The following CACNA1H variants were observed in gnomAD, a reference collection of about 807,000 sequenced individuals.
CACNA1H encodes calcium voltage-gated channel subunit alpha1 H, also known as voltage-dependent T-type calcium channel subunit alpha-1H.
Under a neutral mutation model 192.5 loss-of-function variants are expected in CACNA1H, and 149 were observed. The ratio of observed to expected loss-of-function variants is 0.77; its 90% confidence interval spans 0.68 to 0.89. The LOEUF is 0.89. Among genes scored for constraint, CACNA1H ranks in the 40% least tolerant of loss-of-function variants. The pLI, the probability that CACNA1H is intolerant of heterozygous loss-of-function variation, is 0.00. For synonymous variants in CACNA1H, 2,202 were observed against 1,475.2 expected (o/e 1.49, Z -11.29); for missense variants, 4,257 against 3,423.5 (o/e 1.24, Z -6.08).
intron 5 of CACNA1H, among the ~76,000 whole-genome samples, chr16:1,196,839 C>T (rs1276054937): frequency 6.6e-6 from 1 of 152,188 alleles, no homozygotes; most frequent in Non-Finnish European, 1.5e-5. Flanking sequence ...GTTCTTTAAG[C>T]ACTCAGGGCT....
Position 1,180,685 on chromosome 16 carries a change from A to G in CACNA1H, c.300-14287A>G, listed in dbSNP as rs1965377714. On this transcript the variant is annotated intron_variant, in intron 2 of 34. Coordinates refer to ENST00000348261, the MANE Select transcript of CACNA1H (RefSeq NM_021098.3). The surrounding 1 kb of genome is among the most constrained non-coding windows in gnomAD (Gnocchi z 4.4). ...GGGAGGGGCCTGGGCAGGGCGGGGC[A>G]GGGAGGGATGAGGTGCAGACTGGGG... Among the ~76,000 whole-genome samples the G allele has an allele frequency of 6.9e-6, 1 of 144,464 alleles. No individual in the cohort carries two copies. The highest frequency in any genetic ancestry group is 1.5e-5 in the Non-Finnish European group (1 of 65,710). 94.8% of individuals were successfully genotyped at this position (144,464 alleles called of 152,430 possible).
intron 16 of CACNA1H, among the ~76,000 whole-genome samples, chr16:1,208,809 G>C (rs368729153): frequency 5.9e-5 from 9 of 152,280 alleles, no homozygotes; most frequent in African/African-American, 2.2e-4. Context: ...TGACCCAGCA[G>C]AGCCCAGGGC....
Position 1,175,618 on chromosome 16 carries a change from A to G in CACNA1H, c.300-19354A>G, listed in dbSNP as rs189643013. The stretch of plus-strand genomic sequence containing the variant: ...CCACTGCTGACAGCTGGCCCCGTCC[A>G]TTTACTCTCATGTCCGAGAATCTGA... On this transcript the variant is annotated intron_variant, in intron 2 of 34. Transcript: ENST00000348261. Among the ~76,000 whole-genome samples the G allele has an allele frequency of 2.3e-3, 347 of 152,252 alleles. 2 individuals are homozygous for G. The highest frequency in any genetic ancestry group is 4.2e-3 in the Non-Finnish European group (286 of 68,020).
At chr16:1,168,109 A>G (rs1963980819) in intron 2 of CACNA1H, among the ~76,000 whole-genome samples, 1 of 152,106 alleles carries the variant, frequency 6.6e-6, no homozygotes, top group African/African-American at 2.4e-5. Context: ...GAGGTGGACC[A>G]GAATTCCCCT....
Position 1,180,204 on chromosome 16 carries a change from G to A in CACNA1H, c.300-14768G>A, listed in dbSNP as rs1965328450. On this transcript the variant is annotated intron_variant, in intron 2 of 34. Coordinates refer to ENST00000348261, the MANE Select transcript of CACNA1H (RefSeq NM_021098.3). The surrounding 1 kb of genome is among the most constrained non-coding windows in gnomAD (Gnocchi z 4.4). ...CAGCCGGCTCCTGGGTGCACAGGCA[G>A]GTGGTGTGCGTCCGCATTGCAGAAC... Among the ~76,000 whole-genome samples, 5 of 152,272 alleles carry A rather than the reference G, an allele frequency of 3.3e-5. No individual in the cohort carries two copies. In the South Asian group the frequency reaches 1.0e-3, roughly 31 times the overall value.
intron 2 of CACNA1H, among the ~76,000 whole-genome samples, chr16:1,166,606 C>T (rs1475288419): frequency 6.6e-6 from 1 of 152,166 alleles, no homozygotes; most frequent in Non-Finnish European, 1.5e-5. Context: ...GGAAACCCTG[C>T]AGTCAGCTGT....
chr16:1,210,226 T>C lies in CACNA1H; in HGVS notation c.3845+91T>C, dbSNP rs1969264377. On this transcript the variant is annotated intron_variant, in intron 18 of 34. Transcript: ENST00000348261. ...CCTCCTGGGTGGGGCTAGCACATGG[T>C]GGATATTTCCGAGTGGGCACCCCTT... 1.2e-5 allele frequency: 16 copies of C among 1,287,224 alleles called. No homozygotes were observed. In the South Asian group the frequency reaches 2.0e-4, roughly 16 times the overall value. The allele number at this position is 1,287,224 out of a possible 1,614,324, so 79.7% of individuals were successfully genotyped here.
intron 6 of CACNA1H, among the ~76,000 whole-genome samples, chr16:1,199,930 C>T (rs1567506283): frequency 6.6e-6 from 1 of 152,034 alleles, no homozygotes; most frequent in Non-Finnish European, 1.5e-5. Flanking sequence ...CCCTGTTTGT[C>T]TGTGCTGTTC....
At position 1,221,161 on chromosome 16, in the gene CACNA1H, G is replaced by A; in HGVS notation, c.*167G>A. 2 of 568,752 alleles carry A rather than the reference G, an allele frequency of 3.5e-6. No homozygotes were observed. Among genetic ancestry groups the A allele is most frequent in the Non-Finnish European group, 3.0e-6 (1 of 332,138 alleles). The allele number at this position is 568,752 out of a possible 1,614,324, so 35.2% of individuals were successfully genotyped here. A position where few individuals can be genotyped will look rare whatever the true frequency, so the allele number is the denominator to read the frequency against. ...CCTGGTTCTCTGCCCAGCGAAGCAGGAGTAGCTGCCGGGCCCCACGAGCCT... is the reference window on the plus strand; with the variant it reads ...CCTGGTTCTCTGCCCAGCGAAGCAGAAGTAGCTGCCGGGCCCCACGAGCCT... On this transcript the variant is annotated 3_prime_UTR_variant, in exon 35 of 35. Coordinates refer to ENST00000348261, the MANE Select transcript of CACNA1H (RefSeq NM_021098.3).
Position 1,207,535 on chromosome 16 carries a change from A to G in CACNA1H, c.3063+105A>G, listed in dbSNP as rs1968886060. On this transcript the variant is annotated intron_variant, in intron 14 of 34. Coordinates refer to ENST00000348261, the MANE Select transcript of CACNA1H (RefSeq NM_021098.3). ...GGGGGCCTGCCAAGAGGTGAGGGAT[A>G]GAGAAGGGAAGCTGGCTGCCATGAG... 3.2e-6 allele frequency: 4 copies of G among 1,265,182 alleles called. No homozygotes were observed. In the African/African-American group the frequency reaches 4.4e-5, roughly 14 times the overall value. The allele number at this position is 1,265,182 out of a possible 1,614,324, so 78.4% of individuals were successfully genotyped here. A position where few individuals can be genotyped will look rare whatever the true frequency, so the allele number is the denominator to read the frequency against.
At chr16:1,196,697 CTG>C (rs1967019875) in intron 5 of CACNA1H, among the ~76,000 whole-genome samples, 1 of 152,154 alleles carries the variant, frequency 6.6e-6, no homozygotes, top group Non-Finnish European at 1.5e-5. Flanking sequence ...AGAGGAGCTG[CTG>C]TGTGTCTGCT....
At chr16:1,212,720 C>T (rs1300057205) in intron 26 of CACNA1H, among the ~76,000 whole-genome samples, 192 bp downstream of exon 26, 1 of 152,210 alleles carries the variant, frequency 6.6e-6, no homozygotes, top group Admixed American at 6.5e-5. Context: ...ACGCGTGCGG[C>T]TCTGCCCGGC....
At chr16:1,177,269 T>TC (rs1964981805) in intron 2 of CACNA1H, among the ~76,000 whole-genome samples, 1 of 152,082 alleles carries the variant, frequency 6.6e-6, no homozygotes, top group South Asian at 2.1e-4. Context: ...GCCGATCCCC[T>TC]CCAGGGCCGG....
chr16:1,153,972 G>C lies in CACNA1H; in HGVS notation c.235G>C (p.Val79Leu), dbSNP rs1567419286. ...CCCGTACCCGGCCTTGGCGGCCACG[G>C]TCTTCTTCTGCCTCGGTCAGACCAC... ...RVPYPALAAT[V>L]FFCLGQTTRP... is the part of the protein sequence containing the mutation. The change falls in exon 2 of 35, where the codon GTC (valine) becomes CTC (leucine). Residue 79 changes from valine to leucine, a missense_variant. Val to Leu is a conservative substitution (Grantham distance 32). Coordinates refer to ENST00000348261, the MANE Select transcript of CACNA1H (RefSeq NM_021098.3). 1 of 1,449,388 alleles carries C rather than the reference G, an allele frequency of 6.9e-7. No homozygotes were observed. Among genetic ancestry groups the C allele is most frequent in the South Asian group, 1.3e-5 (1 of 76,170 alleles). 89.8% of individuals were successfully genotyped at this position (1,449,388 alleles called of 1,614,324 possible).
chr16:1,199,421 T>G, intron 6 of CACNA1H, among the ~76,000 whole-genome samples: 1 of 16,128 alleles, frequency 6.2e-5, no homozygotes, highest in South Asian at 2.9e-3. Flanking sequence ...CCCACCCCCA[T>G]CATGGCTCCG....
chr16:1,190,794 G>T (rs896345950), intron 2 of CACNA1H, among the ~76,000 whole-genome samples: 1 of 152,236 alleles, frequency 6.6e-6, no homozygotes, highest in African/African-American at 2.4e-5. Context: ...GAGGATCTAC[G>T]ATGGGTAGGG....
intron 30 of CACNA1H, among the ~76,000 whole-genome samples, chr16:1,216,456 C>T (rs112408311): frequency 3.9e-5 from 6 of 152,326 alleles, no homozygotes; most frequent in African/African-American, 1.2e-4. Context: ...ACAAGAGAGC[C>T]GTGGCAGGGG....
intron 5 of CACNA1H, among the ~76,000 whole-genome samples, chr16:1,196,500 C>T (rs569332138): frequency 6.6e-6 from 1 of 152,314 alleles, no homozygotes; most frequent in Non-Finnish European, 1.5e-5. Context: ...CCTGAGGACA[C>T]CTCGCTCTCC....
At position 1,217,968 on chromosome 16, in the gene CACNA1H, C is replaced by T. The variant is rs534503991; in HGVS notation, c.5373C>T (p.Phe1791=). The T allele has an allele frequency of 2.7e-5, 44 of 1,605,486 alleles. No homozygotes were observed. In the South Asian group the frequency reaches 4.1e-4, roughly 15 times the overall value. ...PCEGLSRHAT[F]SNFGMAFLTL... ...AGGGCCTGAGCAGGCACGCCACCTT[C>T]AGCAACTTCGGCATGGCCTTCCTCA... is the stretch of plus-strand genomic sequence containing the variant. The change falls in exon 32 of 35, where the codon TTC becomes TTT. Residue 1791 remains phenylalanine (F), a synonymous_variant. Transcript: ENST00000348261.
Sources: gnomAD v4.1 joint callset for allele counts (sites outside exome capture counted in the v4.1 genomes callset) on GRCh38, gnomAD v4.1.1 for gene constraint, Gnocchi (gnomAD v3.1) non-coding constraint, MANE v1.5 for transcripts, NCBI Gene and HGNC (gene_info 2026-07-23, HGNC 2026-07-21) for gene names.